CFAP299: variants seen among roughly 807,000 people sequenced by gnomAD.
CFAP299 encodes the protein cilia- and flagella-associated protein 299.
A neutral mutation model predicts 27.0 loss-of-function variants in CFAP299; 21 were observed. The ratio of observed to expected loss-of-function variants is 0.78; its 90% confidence interval spans 0.55 to 1.12. CFAP299 has a LOEUF of 1.12. Among genes scored for constraint, CFAP299 ranks in the 50% most tolerant of loss-of-function variants. The pLI is 0.00. For missense variants in CFAP299, 310 were observed against 276.6 expected (o/e 1.12, Z -0.86); for synonymous variants, 104 against 98.1 (o/e 1.06, Z -0.36).
intron 2 of CFAP299, among the ~76,000 whole-genome samples, chr4:80,550,760 A>AACACACAC (rs10561056): frequency 2.7e-5 from 4 of 148,812 alleles, no homozygotes; most frequent in South Asian, 2.1e-4. Context: ...ATTAACTCAA[A>AACACACAC]ACACACACAC....
chr4:80,483,349 G>A (rs13120118), intron 2 of CFAP299, among the ~76,000 whole-genome samples: 3,192 of 152,220 alleles, frequency 0.021, 58 homozygotes, highest in South Asian at 0.051. Flanking sequence ...TATTATAATA[G>A]CAGGAGAAAA....
intron 3 of CFAP299, among the ~76,000 whole-genome samples, chr4:80,670,617 C>G (rs1741421885): frequency 6.6e-6 from 1 of 152,090 alleles, no homozygotes; most frequent in Non-Finnish European, 1.5e-5. Flanking sequence ...AGTGTAAAGG[C>G]GGTCCTATTT....
intron 2 of CFAP299, among the ~76,000 whole-genome samples, chr4:80,569,630 G>T (rs1183572304): frequency 3.3e-5 from 5 of 151,928 alleles, no homozygotes; most frequent in African/African-American, 1.2e-4. Context: ...TAGCAAAATT[G>T]CATGATGCAA....
chr4:80,882,130 T>G (rs1013558277), intron 4 of CFAP299, among the ~76,000 whole-genome samples: 2 of 152,022 alleles, frequency 1.3e-5, no homozygotes, highest in Non-Finnish European at 2.9e-5. Context: ...AGAATCAATA[T>G]ACGTGTTATG....
intron 2 of CFAP299, among the ~76,000 whole-genome samples, chr4:80,410,314 A>G (rs561271414): frequency 1.3e-5 from 2 of 152,328 alleles, no homozygotes; most frequent in South Asian, 2.1e-4. Flanking sequence ...GTAGGAATAG[A>G]TAGCCATTGC....
rs75489466 is a variant in CFAP299, at chr4:80,597,512, T to C, written c.333+14329T>C. Among the ~76,000 whole-genome samples the C allele has an allele frequency of 6.8e-3, 1,037 of 152,316 alleles. 13 individuals are homozygous for C. Among genetic ancestry groups the C allele is most frequent in the African/African-American group, 0.024 (996 of 41,576 alleles). On this transcript the variant is annotated intron_variant, in intron 3 of 5. Coordinates refer to ENST00000358105, the MANE Select transcript of CFAP299 (RefSeq NM_152770.3). ...GTAGCTTACCTTTTTGCTTTCTTAA[T>C]GAAAGTTCCAAATTTTAACGTGGTC...
At chr4:80,466,735 C>T (rs1392175050) in intron 2 of CFAP299, among the ~76,000 whole-genome samples, 1 of 152,192 alleles carries the variant, frequency 6.6e-6, no homozygotes. Context: ...TTAATCTGCA[C>T]AGGGCATAGG....
intron 2 of CFAP299, among the ~76,000 whole-genome samples, chr4:80,498,083 C>T (rs957781916): frequency 6.6e-6 from 1 of 152,022 alleles, no homozygotes; most frequent in Non-Finnish European, 1.5e-5. Context: ...TCACCATATA[C>T]AAAAATCAAC....
At chr4:80,653,538 T>G (rs1351376045) in intron 3 of CFAP299, among the ~76,000 whole-genome samples, 6 of 152,142 alleles carry the variant, frequency 3.9e-5, no homozygotes, top group Non-Finnish European at 8.8e-5. Context: ...CAGTGTCTTC[T>G]CATTGTCCTT....
chr4:80,365,216 G>A (rs1266018594), intron 2 of CFAP299, among the ~76,000 whole-genome samples: 1 of 152,202 alleles, frequency 6.6e-6, no homozygotes, highest in Non-Finnish European at 1.5e-5. Context: ...CACCAACAGT[G>A]TAAAAGTGTT....
intron 2 of CFAP299, among the ~76,000 whole-genome samples, chr4:80,508,146 A>C (rs1040563930): frequency 2.0e-5 from 3 of 152,148 alleles, no homozygotes; most frequent in Non-Finnish European, 2.9e-5. Context: ...GTATGGACTT[A>C]ATTCTTTTTC....
intron 3 of CFAP299, among the ~76,000 whole-genome samples, chr4:80,857,823 G>A (rs960712326): frequency 1.3e-5 from 2 of 152,144 alleles, no homozygotes; most frequent in African/African-American, 2.4e-5. Flanking sequence ...TTTTATTGAG[G>A]ATTTTTGCAT....
At chr4:80,400,956 A>C (rs1726120479) in intron 2 of CFAP299, among the ~76,000 whole-genome samples, 2 of 152,186 alleles carry the variant, frequency 1.3e-5, no homozygotes, top group Non-Finnish European at 2.9e-5. Context: ...CTGGAGTAAA[A>C]TGACTGTTGC....
At chr4:80,888,909 A>T (rs1247044372) in intron 4 of CFAP299, among the ~76,000 whole-genome samples, 2 of 148,442 alleles carry the variant, frequency 1.3e-5, no homozygotes, top group Non-Finnish European at 3.0e-5. Context: ...GAAGTTGAAA[A>T]TTTTCTTGAA....
intron 2 of CFAP299, among the ~76,000 whole-genome samples, chr4:80,500,339 T>C (rs548596162): frequency 1.2e-4 from 19 of 152,230 alleles, no homozygotes; most frequent in African/African-American, 4.3e-4. Flanking sequence ...GTTCAGTCTT[T>C]GGCTCTGTTC....
intron 2 of CFAP299, among the ~76,000 whole-genome samples, chr4:80,561,302 T>C (rs1735025624): frequency 6.6e-6 from 1 of 152,136 alleles, no homozygotes; most frequent in Non-Finnish European, 1.5e-5. Context: ...ATCACAACAC[T>C]CAAGTCCTTT....
chr4:80,576,195 AAAAT>A (rs1262877923), intron 2 of CFAP299, among the ~76,000 whole-genome samples: 6,144 of 40,778 alleles, frequency 0.15, 345 homozygotes, highest in African/African-American at 0.25. Context: ...AATAAAAAAA[AAAAT>A]ATATATATAT....
At chr4:80,733,566 CT>C (rs994813874) in intron 3 of CFAP299, among the ~76,000 whole-genome samples, 2 of 152,042 alleles carry the variant, frequency 1.3e-5, no homozygotes, top group African/African-American at 2.4e-5. Flanking sequence ...TTATTTCTAA[CT>C]TTTTTTGTAT....
intron 3 of CFAP299, among the ~76,000 whole-genome samples, chr4:80,595,092 A>G (rs992477003): frequency 2.0e-5 from 3 of 152,124 alleles, no homozygotes; most frequent in Admixed American, 2.0e-4. Flanking sequence ...GGGAATGACT[A>G]TCTGGCTATG....
Sources: gnomAD v4.1 joint callset for allele counts (sites outside exome capture counted in the v4.1 genomes callset) on GRCh38, gnomAD v4.1.1 for gene constraint, MANE v1.5 for transcripts, NCBI Gene and HGNC (gene_info 2026-07-23, HGNC 2026-07-21) for gene names.